The following CDK6 variants were observed in gnomAD, a reference collection of about 807,000 sequenced individuals.
The protein encoded by CDK6 is cyclin-dependent kinase 6.
CDK6 carries 6 observed loss-of-function variants against 37.1 expected under a neutral mutation model. The observed-to-expected ratio is 0.16, with a 90% CI of 0.09 to 0.32. CDK6 has a LOEUF of 0.32. Among genes scored for constraint, CDK6 ranks in the 10% least tolerant of loss-of-function variants. The probability of loss-of-function intolerance (pLI) is 1.00; values close to 1 mark genes in which losing one functional copy is unlikely to be tolerated. For synonymous variants in CDK6, 160 were observed against 161.3 expected (o/e 0.99, Z 0.06); for missense variants, 224 against 418.9 (o/e 0.53, Z 4.06).
chr7:92,754,246 T>A (rs1487340376), intron 3 of CDK6, among the ~76,000 whole-genome samples: 1 of 152,192 alleles, frequency 6.6e-6, no homozygotes. Context: ...AATCAGAAGA[T>A]GATTATTCCC....
intron 2 of CDK6, among the ~76,000 whole-genome samples, chr7:92,779,112 C>A (rs139223265): frequency 1.3e-5 from 2 of 151,974 alleles, no homozygotes; most frequent in South Asian, 4.2e-4. Context: ...CTTCATCTCA[C>A]TGAAACCGTT....
chr7:92,739,422 TAC>T (rs1798866797), intron 3 of CDK6, among the ~76,000 whole-genome samples: 1 of 152,344 alleles, frequency 6.6e-6, no homozygotes, highest in African/African-American at 2.4e-5. Flanking sequence ...AAAATAATAA[TAC>T]AGTTTCTTTA....
intron 2 of CDK6, among the ~76,000 whole-genome samples, chr7:92,805,954 G>C (rs767281572): frequency 3.3e-5 from 5 of 152,116 alleles, no homozygotes; most frequent in Non-Finnish European, 7.4e-5. Context: ...TGTTTAGTGA[G>C]TACAAAATTT....
intron 2 of CDK6, among the ~76,000 whole-genome samples, chr7:92,778,841 A>G (rs1799910994): frequency 6.6e-6 from 1 of 150,714 alleles, no homozygotes; most frequent in African/African-American, 2.4e-5. Context: ...TAATATATTT[A>G]GTGAAAAAAT....
chr7:92,764,804 G>A (rs1049672475), intron 3 of CDK6, among the ~76,000 whole-genome samples: 1 of 152,160 alleles, frequency 6.6e-6, no homozygotes, highest in Non-Finnish European at 1.5e-5. Context: ...GCAATGAAAC[G>A]ATTGTTTAAT....
intron 3 of CDK6, among the ~76,000 whole-genome samples, chr7:92,750,054 TG>T (rs1799153488): frequency 6.6e-6 from 1 of 152,154 alleles, no homozygotes; most frequent in Non-Finnish European, 1.5e-5. Flanking sequence ...AAACTAACAT[TG>T]TTTTTAGAGC....
At chr7:92,743,437 C>A (rs909338451) in intron 3 of CDK6, among the ~76,000 whole-genome samples, 3 of 149,912 alleles carry the variant, frequency 2.0e-5, no homozygotes, top group Non-Finnish European at 4.5e-5. Context: ...AAAAGAACTC[C>A]AGCAACTCAA....
intron 2 of CDK6, among the ~76,000 whole-genome samples, chr7:92,786,672 G>A (rs866752863): frequency 1.3e-5 from 2 of 148,176 alleles, no homozygotes; most frequent in Middle Eastern, 3.6e-3. Flanking sequence ...ATCTGGCTCT[G>A]TGTGTGTATA....
At chr7:92,682,480 AGCATAAAT>A (rs1360643004) in intron 4 of CDK6, among the ~76,000 whole-genome samples, 1 of 152,226 alleles carries the variant, frequency 6.6e-6, no homozygotes, top group African/African-American at 2.4e-5. Flanking sequence ...GTCCTCCGCA[AGCATAAAT>A]GATTGCAGCA....
intron 5 of CDK6, among the ~76,000 whole-genome samples, chr7:92,659,699 C>A (rs947085775): frequency 1.3e-5 from 2 of 151,758 alleles, no homozygotes; most frequent in African/African-American, 4.8e-5. Context: ...AGGGGGATAT[C>A]TTTGGGAGTT....
intron 4 of CDK6, among the ~76,000 whole-genome samples, chr7:92,677,715 T>A (rs1797239384): frequency 6.6e-6 from 1 of 152,246 alleles, no homozygotes; most frequent in East Asian, 1.9e-4. Context: ...CAAGAGAGCA[T>A]CCCCAGTTTT....
intron 4 of CDK6, among the ~76,000 whole-genome samples, chr7:92,713,667 T>TAAAAAAAAAAAAAAAAAAAAAAAAAA: frequency 1.5e-5 from 1 of 67,212 alleles, no homozygotes; most frequent in Non-Finnish European, 3.3e-5. Flanking sequence ...TTAAAAAAAG[T>TAAAAAAAAAAAAAAAAAAAAAAAAAA]AAAAAAAAAA....
intron 5 of CDK6, among the ~76,000 whole-genome samples, chr7:92,642,797 T>C (rs1487739542): frequency 6.6e-6 from 1 of 152,086 alleles, no homozygotes; most frequent in Non-Finnish European, 1.5e-5. Context: ...GACAACTAGA[T>C]GCTCCAAAGC....
chr7:92,699,328 C>A (rs1014378516), intron 4 of CDK6, among the ~76,000 whole-genome samples: 8 of 152,198 alleles, frequency 5.3e-5, no homozygotes, highest in African/African-American at 1.7e-4. Flanking sequence ...ACTGCTGATG[C>A]TGTTAGCTAT....
chr7:92,731,910 A>G (rs535179571), intron 3 of CDK6, among the ~76,000 whole-genome samples: 82 of 152,352 alleles, frequency 5.4e-4, no homozygotes, highest in African/African-American at 1.9e-3. Flanking sequence ...AGGAACTGAA[A>G]CTGCAAATAT....
chr7:92,720,047 A>G (rs2116698623), intron 4 of CDK6, among the ~76,000 whole-genome samples: 1 of 152,340 alleles, frequency 6.6e-6, no homozygotes, highest in East Asian at 1.9e-4. Flanking sequence ...TACTTTTATA[A>G]GACATTCAGG....
At chr7:92,647,374 T>C (rs991441427) in intron 5 of CDK6, among the ~76,000 whole-genome samples, 1 of 152,172 alleles carries the variant, frequency 6.6e-6, no homozygotes, top group African/African-American at 2.4e-5. Flanking sequence ...AAAGGTTTCT[T>C]TAAGGAAATA....
At chr7:92,689,628 A>C (rs1797554734) in intron 4 of CDK6, among the ~76,000 whole-genome samples, 1 of 152,202 alleles carries the variant, frequency 6.6e-6, no homozygotes, top group African/African-American at 2.4e-5. Context: ...AGAATGATTT[A>C]TATTCCTTTG....
intron 2 of CDK6, among the ~76,000 whole-genome samples, chr7:92,806,706 G>C (rs541793099): frequency 1.3e-5 from 2 of 152,242 alleles, no homozygotes; most frequent in African/African-American, 4.8e-5. Flanking sequence ...TTTGCAACAT[G>C]CGGAACAGAC....
Sources: allele counts gnomAD v4.1 joint callset (sites outside exome capture counted in the v4.1 genomes callset), GRCh38; gene constraint gnomAD v4.1.1; transcripts MANE v1.5; gene names NCBI Gene and HGNC (gene_info 2026-07-23, HGNC 2026-07-21).